F5: variants seen among roughly 807,000 people sequenced by gnomAD.
The protein encoded by F5 is coagulation factor V.
In F5, 138 loss-of-function variants were observed where a neutral mutation model predicts 216.4. The observed-to-expected ratio is 0.64, with a 90% CI of 0.56 to 0.73. The LOEUF (loss-of-function observed/expected upper bound fraction) is 0.73. Ranked by LOEUF, F5 falls within the 30% of genes least tolerant of loss-of-function variation. The probability of loss-of-function intolerance (pLI) is 0.00; values close to 1 mark genes in which losing one functional copy is unlikely to be tolerated. For missense variants in F5, 2,403 were observed against 2,674.0 expected (o/e 0.90, Z 2.24); for synonymous variants, 916 against 930.7 (o/e 0.98, Z 0.29).
intron 9 of F5, 124 bp downstream of exon 9, chr1:169,550,516 G>A (rs771549304): frequency 3.8e-5 from 29 of 754,548 alleles, no homozygotes; most frequent in Non-Finnish European, 6.2e-5. Flanking sequence ...TGATTTTTAG[G>A]ATACTCCTAC....
chr1:169,547,398 A>G (rs1372033978), intron 10 of F5, among the ~76,000 whole-genome samples: 2 of 152,264 alleles, frequency 1.3e-5, no homozygotes, highest in Admixed American at 1.3e-4. Flanking sequence ...CAAGAGAGTA[A>G]ACAGACAACA....
chr1:169,541,934 T>A lies in F5; in HGVS notation c.3156A>T (p.Arg1052Ser), dbSNP rs768824502. The A allele has an allele frequency of 1.9e-6, 3 of 1,614,148 alleles. No individual in the cohort carries two copies. Among genetic ancestry groups the A allele is most frequent in the Admixed American group, 3.3e-5 (2 of 60,024 alleles). ...CTGAAAATGTGTTGTAGGCTTCACTTCTTAGAGGGTGAAAGGTCCTCGGAG... is the reference window on the plus strand; with the variant it reads ...CTGAAAATGTGTTGTAGGCTTCACTACTTAGAGGGTGAAAGGTCCTCGGAG... ...PLSPRTFHPL[R>S]SEAYNTFSER... The change falls in exon 13 of 25, where the codon AGA becomes AGT. Residue 1052 changes from arginine to serine, a missense_variant. Physicochemically the swap from Arg to Ser is moderately radical, Grantham distance 110. Transcript: ENST00000367797.
At chr1:169,536,456 G>A in intron 14 of F5, 50 bp downstream of exon 14, 1 of 1,524,598 alleles carries the variant, frequency 6.6e-7, no homozygotes, top group Non-Finnish European at 9.1e-7. Flanking sequence ...CAACCCTCTG[G>A]TGCTTGTGGA....
chr1:169,561,082 C>T (rs546413340), intron 3 of F5, among the ~76,000 whole-genome samples: 1 of 152,212 alleles, frequency 6.6e-6, no homozygotes, highest in African/African-American at 2.4e-5. Flanking sequence ...GATTAGTAAA[C>T]CATCTCAGAA....
At chr1:169,554,359 T>C (rs1210693037) in intron 7 of F5, among the ~76,000 whole-genome samples, 1 of 152,238 alleles carries the variant, frequency 6.6e-6, no homozygotes, top group Non-Finnish European at 1.5e-5. Context: ...GAGAACTTTT[T>C]GTATTAGTAC....
chr1:169,559,040 G>A (rs571596772), intron 5 of F5, 113 bp downstream of exon 5: 2 of 1,079,426 alleles, frequency 1.9e-6, no homozygotes, highest in Admixed American at 1.7e-5. Context: ...CTTCTTGATA[G>A]GGAGTTGCAA....
At chr1:169,559,812 C>T (rs1439580390) in intron 4 of F5, among the ~76,000 whole-genome samples, 1 of 152,062 alleles carries the variant, frequency 6.6e-6, no homozygotes, top group Non-Finnish European at 1.5e-5. Context: ...TCAGTACCAT[C>T]ACAGTATCTT....
chr1:169,516,246 A>G (rs9332669), intron 23 of F5, among the ~76,000 whole-genome samples: 119 of 152,298 alleles, frequency 7.8e-4, no homozygotes, highest in African/African-American at 2.5e-3. Flanking sequence ...AGCTTGATAC[A>G]CAGTACAGTT....
Position 169,542,639 on chromosome 1 carries a change from G to T in F5, c.2451C>A (p.Asn817Lys), listed in dbSNP as rs752531060. 1.2e-6 allele frequency: 2 copies of T among 1,614,126 alleles called. No individual in the cohort carries two copies. The highest frequency in any genetic ancestry group is 1.7e-6 in the Non-Finnish European group (2 of 1,179,992). The change falls in exon 13 of 25, where the codon AAC becomes AAA. Residue 817 changes from asparagine to lysine, a missense_variant. Asn to Lys is a moderately conservative substitution (Grantham distance 94). This residue lies in a region of F5 where 1,425 missense variants were observed against 1,554.8 expected (regional missense o/e 0.92). Coordinates refer to ENST00000367797, the MANE Select transcript of F5 (RefSeq NM_000130.5). Reference protein sequence around the residue: ...GSPLRHLIGKNSVLNSSTAEH... With the variant: ...GSPLRHLIGKKSVLNSSTAEH... The stretch of plus-strand genomic sequence containing the variant: ...CTGCTGTGGAAGAATTGAGAACTGA[G>T]TTCTTGCCAATGAGGTGTCTCAGTG...
At chr1:169,525,878 A>G (rs1378957164) in intron 18 of F5, 23 bp downstream of exon 18, 6 of 1,542,530 alleles carry the variant, frequency 3.9e-6, no homozygotes, top group South Asian at 1.1e-5. Flanking sequence ...GCCAAACCAA[A>G]TATCACATGG....
In F5 at chr1:169,540,460, C is replaced by T. The variant is rs139288793; in HGVS notation, c.4630G>A (p.Val1544Met). 4 of 1,613,882 alleles carry T rather than the reference C, an allele frequency of 2.5e-6. No individual in the cohort carries two copies. Among genetic ancestry groups the T allele is most frequent in the Admixed American group, 3.3e-5 (2 of 59,970 alleles). The change falls in exon 13 of 25, where the codon GTG becomes ATG. Residue 1544 changes from valine to methionine, a missense_variant. Transcript: ENST00000367797. ...SEDDYAEIDY[V>M]PYDDPYKTDV... is the part of the protein sequence containing the mutation. ...GTTTTGTAGGGGTCATCATAGGGCA[C>T]ATAATCAATTTCAGCATAGTCATCT... is the stretch of plus-strand genomic sequence containing the variant.
At chr1:169,518,362 T>G (rs759698433) in intron 23 of F5, 50 bp downstream of exon 23, 1 of 1,610,538 alleles carries the variant, frequency 6.2e-7, no homozygotes, top group Non-Finnish European at 8.5e-7. Context: ...TGAGGGCCTT[T>G]GCTTTCTTCT....
Position 169,555,256 on chromosome 1 carries a change from C to G in F5, c.1044G>C (p.Lys348Asn). ...KITREQRRHMKRWEYFIAAEE... is the reference protein window; with the variant it reads ...KITREQRRHMNRWEYFIAAEE... ...CTGCAGCAATGAAGTATTCCCACCT[C>G]TTCATGTGCCGCCTCTGCTCACGAG... Residue 348 changes from lysine (K) to asparagine (N), a missense_variant, in exon 7 of 25, where the codon AAG becomes AAC. By Grantham distance (94) the Lys-to-Asn change is moderately conservative. Coordinates refer to ENST00000367797, the MANE Select transcript of F5 (RefSeq NM_000130.5). The G allele has an allele frequency of 2.5e-6, 4 of 1,614,166 alleles. No individual in the cohort carries two copies. The highest frequency in any genetic ancestry group is 3.4e-6 in the Non-Finnish European group (4 of 1,180,022).
intron 10 of F5, among the ~76,000 whole-genome samples, chr1:169,549,377 G>C (rs1180130167): frequency 6.6e-6 from 1 of 152,064 alleles, no homozygotes; most frequent in African/African-American, 2.4e-5. Flanking sequence ...CCCTATTGCA[G>C]GTCTCTAAAA....
At chr1:169,549,246 T>C (rs998933289) in intron 10 of F5, among the ~76,000 whole-genome samples, 1 of 152,236 alleles carries the variant, frequency 6.6e-6, no homozygotes, top group Non-Finnish European at 1.5e-5. Flanking sequence ...AAATTCAGTA[T>C]CTTTGTTCAC....
intron 13 of F5, 21 bp from the exon 14 acceptor site, chr1:169,536,701 G>A (rs374941149): frequency 1.1e-5 from 18 of 1,582,200 alleles, no homozygotes; most frequent in Non-Finnish European, 1.4e-5. Context: ...AATACTATTT[G>A]TGTAAAAGAA....
chr1:169,525,867 T>A, intron 18 of F5, 34 bp downstream of exon 18: 1 of 1,493,586 alleles, frequency 6.7e-7, no homozygotes, highest in Non-Finnish European at 9.3e-7. Context: ...GGCACTCTCC[T>A]GCCAAACCAA....
In F5 at chr1:169,542,842, CT is replaced by C. The variant is rs1314798108; in HGVS notation, c.2247del (p.Glu750SerfsTer7). On this transcript the variant is annotated frameshift_variant, in exon 13 of 25. Transcript: ENST00000367797. LOFTEE classifies it high-confidence loss of function. Reference protein sequence around the residue: ...FRNSSLNQEEEEFNLTALALE... With the variant: ...FRNSSLNQEEXEFNLTALALE... ...AGAGCTAGGGCAGTAAGATTGAACT[CT>C]TCTTCTTCCTGATTCAATGATGAGT... 1 of 1,610,720 alleles carries C rather than the reference CT, an allele frequency of 6.2e-7. No homozygotes were observed. The highest frequency in any genetic ancestry group is 8.5e-7 in the Non-Finnish European group (1 of 1,179,140).
At chr1:169,559,872 T>C (rs1011514987) in intron 4 of F5, among the ~76,000 whole-genome samples, 4 of 148,106 alleles carry the variant, frequency 2.7e-5, no homozygotes, top group East Asian at 4.1e-4. Flanking sequence ...AGTAAATACA[T>C]TGGGCATGTA....
Sources: allele counts gnomAD v4.1 joint callset (sites outside exome capture counted in the v4.1 genomes callset), GRCh38; gene constraint gnomAD v4.1.1; regional missense constraint gnomAD v4.1.1; transcripts MANE v1.5; gene names NCBI Gene and HGNC (gene_info 2026-07-23, HGNC 2026-07-21).